The following MBD5 variants were observed in gnomAD, a reference collection of about 807,000 sequenced individuals.
MBD5 encodes methyl-CpG-binding domain protein 5.
Under a neutral mutation model 117.3 loss-of-function variants are expected in MBD5, and 13 were observed. The ratio of observed to expected loss-of-function variants is 0.11; its 90% CI spans 0.07 to 0.18. MBD5 has a LOEUF of 0.18. Ranked by LOEUF, MBD5 falls within the 10% of genes least tolerant of loss-of-function variation. The pLI is 1.00. For missense variants in MBD5, 1,879 were observed against 2,093.8 expected, an observed-to-expected ratio of 0.90 and a Z score of 2.00; for synonymous variants, 727 against 766.4, an observed-to-expected ratio of 0.95 and a Z score of 0.85.
chr2:148,051,727 A>G (rs568413629), intron 1 of MBD5, among the ~76,000 whole-genome samples: 1 of 152,030 alleles, frequency 6.6e-6, no homozygotes, highest in East Asian at 1.9e-4. Flanking sequence ...ATATAATCAC[A>G]ATTATGATAT....
chr2:148,058,537 CT>C (rs1022488633), intron 1 of MBD5, among the ~76,000 whole-genome samples: 1 of 150,522 alleles, frequency 6.6e-6, no homozygotes. Flanking sequence ...ATTGCAAATG[CT>C]TTTTTTTTAA....
intron 2 of MBD5, among the ~76,000 whole-genome samples, chr2:148,202,095 G>C (rs911851076): frequency 4.6e-5 from 7 of 152,210 alleles, no homozygotes; most frequent in African/African-American, 1.7e-4. Flanking sequence ...ACTGCCTCCT[G>C]CCACTATCAC....
chr2:148,350,871 A>G (rs1165421750), intron 4 of MBD5, among the ~76,000 whole-genome samples: 1 of 151,896 alleles, frequency 6.6e-6, no homozygotes, highest in Non-Finnish European at 1.5e-5. Flanking sequence ...TTTATATGCA[A>G]TGCTATTCTT....
chr2:148,438,593 G>A (rs1272883930), intron 4 of MBD5, among the ~76,000 whole-genome samples: 6 of 152,146 alleles, frequency 3.9e-5, no homozygotes, highest in African/African-American at 1.4e-4. Context: ...TTTCCAGAGA[G>A]AGAGAACCAA....
At chr2:148,359,355 T>A (rs1703469907) in intron 4 of MBD5, among the ~76,000 whole-genome samples, 1 of 152,048 alleles carries the variant, frequency 6.6e-6, no homozygotes, top group African/African-American at 2.4e-5. Context: ...TAATGATGAA[T>A]AAAATGAGAT....
intron 1 of MBD5, among the ~76,000 whole-genome samples, chr2:148,169,587 T>C (rs1263026199): frequency 1.3e-5 from 2 of 152,182 alleles, no homozygotes; most frequent in Admixed American, 6.5e-5. Context: ...GCTGGAGAGA[T>C]ACCCTTAGCA....
At chr2:148,206,072 G>A (rs1373958987) in intron 2 of MBD5, among the ~76,000 whole-genome samples, 4 of 151,302 alleles carry the variant, frequency 2.6e-5, no homozygotes, top group South Asian at 2.1e-4. Context: ...GCAGCAAGCC[G>A]AGATCGCGTC....
intron 4 of MBD5, among the ~76,000 whole-genome samples, chr2:148,405,185 G>T (rs762009602): frequency 6.6e-6 from 1 of 152,052 alleles, no homozygotes; most frequent in African/African-American, 2.4e-5. Flanking sequence ...TTCATGAAAA[G>T]GATAGAAAAA....
chr2:148,446,660 G>A (rs1706541315), intron 4 of MBD5, among the ~76,000 whole-genome samples: 1 of 148,932 alleles, frequency 6.7e-6, no homozygotes, highest in Non-Finnish European at 1.5e-5. Context: ...CTTGCTATCC[G>A]AGTAAGTAAC....
At chr2:148,198,538 G>A (rs1001158229) in intron 2 of MBD5, among the ~76,000 whole-genome samples, 7 of 152,012 alleles carry the variant, frequency 4.6e-5, no homozygotes, top group African/African-American at 9.7e-5. Flanking sequence ...ATGAGTTACA[G>A]TGATTTTTAC....
At chr2:148,279,265 T>C (rs964406442) in intron 3 of MBD5, among the ~76,000 whole-genome samples, 11 of 151,984 alleles carry the variant, frequency 7.2e-5, no homozygotes, top group African/African-American at 2.7e-4. Context: ...TCCCATTTCT[T>C]AAAAAATGAG....
chr2:148,298,645 A>T (rs923391825), intron 3 of MBD5, among the ~76,000 whole-genome samples: 1 of 152,220 alleles, frequency 6.6e-6, no homozygotes, highest in African/African-American at 2.4e-5. Context: ...ACAGTATCCC[A>T]TAAACCTCTC....
intron 1 of MBD5, among the ~76,000 whole-genome samples, chr2:148,043,322 G>A (rs1038958802): frequency 1.4e-4 from 21 of 151,392 alleles, no homozygotes; most frequent in African/African-American, 4.8e-4. Context: ...GCATGGTAAC[G>A]GGCACCTGTA....
At chr2:148,497,220 CTTAA>C (rs1681729177) in intron 11 of MBD5, among the ~76,000 whole-genome samples, 1 of 151,920 alleles carries the variant, frequency 6.6e-6, no homozygotes, top group South Asian at 2.1e-4. Context: ...AAATTTATCA[CTTAA>C]TTGATTCATT....
chr2:148,251,110 A>T (rs1700454738), intron 3 of MBD5, among the ~76,000 whole-genome samples: 1 of 152,162 alleles, frequency 6.6e-6, no homozygotes, highest in South Asian at 2.1e-4. Flanking sequence ...TTTTAAAATA[A>T]AAAAGGGTGT....
At chr2:148,271,923 T>A (rs1156633434) in intron 3 of MBD5, among the ~76,000 whole-genome samples, 1 of 152,166 alleles carries the variant, frequency 6.6e-6, no homozygotes, top group Non-Finnish European at 1.5e-5. Flanking sequence ...TCTGTACCCA[T>A]CGACCAGCGT....
intron 1 of MBD5, chr2:148,026,445 G>A (rs1693895079): frequency 6.6e-6 from 1 of 152,106 alleles, no homozygotes; most frequent in Non-Finnish European, 1.5e-5. Flanking sequence ...TATACATAAT[G>A]TCAGTCTTTT....
Position 148,447,681 on chromosome 2 carries a change from A to G in MBD5, c.-556-10522A>G, listed in dbSNP as rs1205237081. 6 of 152,274 alleles carry G rather than the reference A, an allele frequency of 3.9e-5. No individual in the cohort carries two copies. The South Asian group carries it at 1.2e-3, about 32-fold the overall frequency. The allele number at this position is 152,274 out of a possible 1,614,324, so 9.4% of individuals were successfully genotyped here. On this transcript the variant is annotated intron_variant, in intron 4 of 13. Coordinates refer to ENST00000642680, the MANE Select transcript of MBD5 (RefSeq NM_001378120.1). ...GGAGGAGCAGCCACTGCTCCATTCC[A>G]GATAATTGTTGCAAGGCAGGAATGT...
chr2:148,167,522 AT>A (rs1698156124), intron 1 of MBD5, among the ~76,000 whole-genome samples: 1 of 152,076 alleles, frequency 6.6e-6, no homozygotes, highest in East Asian at 1.9e-4. Flanking sequence ...TGCATTCTAG[AT>A]TTTTTTAAAA....
Sources: gnomAD v4.1 joint callset for allele counts (sites outside exome capture counted in the v4.1 genomes callset) on GRCh38, gnomAD v4.1.1 for gene constraint, MANE v1.5 for transcripts, NCBI Gene and HGNC (gene_info 2026-07-23, HGNC 2026-07-21) for gene names.